Variants in CILK1 observed in about 807,000 individuals in gnomAD.
CILK1 encodes the protein serine/threonine-protein kinase ICK.
In CILK1, 47 loss-of-function variants were observed where a neutral mutation model predicts 79.2. That is an observed-to-expected ratio of 0.59 (90% CI 0.47 to 0.76). CILK1 has a LOEUF of 0.76. Among genes scored for constraint, CILK1 ranks in the 30% least tolerant of loss-of-function variants. The pLI, the probability that CILK1 is intolerant of heterozygous loss-of-function variation, is 0.00. For missense variants in CILK1, 660 were observed against 769.5 expected, an observed-to-expected ratio of 0.86 and a Z score of 1.68; for synonymous variants, 266 against 275.9, an observed-to-expected ratio of 0.96 and a Z score of 0.36.
rs1272574886 is a variant in CILK1, at chr6:53,061,773, G to A, written c.-350C>T. The A allele has an allele frequency of 6.6e-6, 1 of 152,334 alleles. No homozygotes were observed. Among genetic ancestry groups the A allele is most frequent in the Non-Finnish European group, 1.5e-5 (1 of 68,116 alleles). 9.4% of individuals were successfully genotyped at this position (152,334 alleles called of 1,614,324 possible). The stretch of plus-strand genomic sequence containing the variant: ...GAGTCGCACGGGCCGCACGGCGCAT[G>A]GTAGTGCAGCAGGAACCCGGCCGTT... On this transcript the variant is annotated 5_prime_UTR_variant, in exon 1 of 14. Coordinates refer to ENST00000676107, the MANE Select transcript of CILK1 (RefSeq NM_014920.5).
At position 53,009,540 on chromosome 6, in the gene CILK1, G is replaced by C; in HGVS notation, c.1520C>G (p.Ser507Trp). The stretch of plus-strand genomic sequence containing the variant: ...TGGAATAAATTCCTTGCCTGGATTC[G>C]AGAGTATGCCATTTCTTATACTGAT... The part of the protein sequence containing the change: ...PGISIRNGIL[S>W]NPGKEFIPPN... The change falls in exon 12 of 14, where the codon TCG (serine) becomes TGG (tryptophan). Residue 507 changes from serine to tryptophan, a missense_variant. By Grantham distance (177) the Ser-to-Trp change is radical. Transcript: ENST00000676107. The C allele has an allele frequency of 6.2e-7, 1 of 1,610,662 alleles. No homozygotes were observed. Among genetic ancestry groups the C allele is most frequent in the Non-Finnish European group, 8.5e-7 (1 of 1,176,784 alleles).
chr6:53,032,722 G>C (rs1321214613), intron 3 of CILK1, 68 bp from the exon 4 acceptor site: 1 of 1,273,032 alleles, frequency 7.9e-7, no homozygotes, highest in East Asian at 2.5e-5. Context: ...AAAAAGAAAA[G>C]TAATCCTATG....
chr6:53,044,258 A>AGCG (rs1397563253), intron 1 of CILK1, among the ~76,000 whole-genome samples: 2 of 152,168 alleles, frequency 1.3e-5, no homozygotes, highest in East Asian at 3.9e-4. Context: ...TCAGATCAGC[A>AGCG]GCGGCGGCAT....
Position 53,051,870 on chromosome 6 carries a change from T to C in CILK1, c.-173+9726A>G, listed in dbSNP as rs1221189303. The stretch of plus-strand genomic sequence containing the variant: ...TGTTTTAGAAATGAAATCAGAAATC[T>C]GTGCTTACTTACCCAGCGAACAAGG... On this transcript the variant is annotated intron_variant, in intron 1 of 13. Coordinates refer to ENST00000676107, the MANE Select transcript of CILK1 (RefSeq NM_014920.5). 4 of 152,242 alleles carry C rather than the reference T, an allele frequency of 2.6e-5. No individual in the cohort carries two copies. The East Asian group carries it at 7.7e-4, about 29-fold the overall frequency. The allele number at this position is 152,242 out of a possible 1,614,324, so 9.4% of individuals were successfully genotyped here.
At chr6:53,012,006 G>T (rs1001194060) in intron 10 of CILK1, 31 bp downstream of exon 10, 2 of 1,613,794 alleles carry the variant, frequency 1.2e-6, no homozygotes, top group Admixed American at 1.7e-5. Flanking sequence ...TCCAGATTCA[G>T]TCTGTTTACA....
At position 53,019,314 on chromosome 6, in the gene CILK1, C is replaced by G; in HGVS notation, c.404G>C (p.Gly135Ala). 1 of 1,613,896 alleles carries G rather than the reference C, an allele frequency of 6.2e-7. No individual in the cohort carries two copies. Among genetic ancestry groups the G allele is most frequent in the East Asian group, 2.2e-5 (1 of 44,866 alleles). Residue 135 changes from glycine (G) to alanine (A), a missense_variant, in exon 6 of 14, where the codon GGA (glycine) becomes GCA (alanine). Coordinates refer to ENST00000676107, the MANE Select transcript of CILK1 (RefSeq NM_014920.5). ...GTCTGCAATTTTCACAAGTTCTGGT[C>G]CCATGCAGAGGAGGTTCTCAGGCTT... ...DLKPENLLCMGPELVKIADFG... is the reference protein window; with the variant it reads ...DLKPENLLCMAPELVKIADFG...
At chr6:53,020,249 A>G (rs1174003856) in intron 5 of CILK1, among the ~76,000 whole-genome samples, 4 of 152,180 alleles carry the variant, frequency 2.6e-5, no homozygotes, top group African/African-American at 9.7e-5. Context: ...GATAGTCAAC[A>G]TGGCAATCTT....
At chr6:53,055,534 T>G (rs1767796363) in intron 1 of CILK1, among the ~76,000 whole-genome samples, 1 of 152,244 alleles carries the variant, frequency 6.6e-6, no homozygotes, top group Admixed American at 6.5e-5. Context: ...GAATTAAAGA[T>G]GCATTCAGCT....
chr6:53,035,275 G>A (rs572861185), intron 3 of CILK1, among the ~76,000 whole-genome samples: 2 of 151,870 alleles, frequency 1.3e-5, no homozygotes, highest in Non-Finnish European at 2.9e-5. Context: ...GGGTTAGAGA[G>A]AATGGTGGGC....
At chr6:53,044,900 G>C (rs1581751947) in intron 1 of CILK1, among the ~76,000 whole-genome samples, 1 of 152,092 alleles carries the variant, frequency 6.6e-6, no homozygotes, top group East Asian at 1.9e-4. Flanking sequence ...CCAGCCTCCA[G>C]AACTGTGAAA....
intron 1 of CILK1, chr6:53,057,838 A>G (rs1768030335): frequency 6.6e-6 from 1 of 152,196 alleles, no homozygotes; most frequent in South Asian, 2.1e-4. Context: ...AGTATAATAC[A>G]TGTTTTATAG....
intron 1 of CILK1, among the ~76,000 whole-genome samples, chr6:53,048,068 A>T (rs1767222140): frequency 2.6e-5 from 4 of 152,206 alleles, no homozygotes; most frequent in Admixed American, 2.6e-4. Flanking sequence ...AGGGTACTCC[A>T]TTCACATAGA....
At chr6:53,043,022 A>C (rs1056225725) in intron 1 of CILK1, among the ~76,000 whole-genome samples, 3 of 152,198 alleles carry the variant, frequency 2.0e-5, no homozygotes. Flanking sequence ...CAAGATTAAA[A>C]ATTTAAAAAT....
At chr6:53,043,819 T>TGCTTAGGGCACAGG (rs1766876527) in intron 1 of CILK1, among the ~76,000 whole-genome samples, 1 of 151,824 alleles carries the variant, frequency 6.6e-6, no homozygotes, top group African/African-American at 2.4e-5. Flanking sequence ...ATATTTCAAG[T>TGCTTAGGGCACAGG]ATGTGGAGGG....
intron 5 of CILK1, among the ~76,000 whole-genome samples, chr6:53,027,200 C>G (rs1298998859): frequency 6.6e-6 from 1 of 152,186 alleles, no homozygotes; most frequent in East Asian, 1.9e-4. Flanking sequence ...TCATGCACAG[C>G]AAGACAGTGA....
chr6:53,041,869 G>C (rs1462556607), intron 1 of CILK1, among the ~76,000 whole-genome samples: 1 of 152,052 alleles, frequency 6.6e-6, no homozygotes, highest in Non-Finnish European at 1.5e-5. Flanking sequence ...GACCACCCAC[G>C]ATCGTAAACT....
At chr6:53,059,413 T>C (rs1581788169) in intron 1 of CILK1, among the ~76,000 whole-genome samples, 2 of 152,080 alleles carry the variant, frequency 1.3e-5, no homozygotes, top group South Asian at 4.1e-4. Flanking sequence ...CTAAACCAAT[T>C]GGAGATCAAT....
chr6:53,037,095 G>A (rs1766390834), intron 3 of CILK1, among the ~76,000 whole-genome samples: 4 of 152,200 alleles, frequency 2.6e-5, no homozygotes, highest in South Asian at 4.2e-4. Flanking sequence ...AAAAAGAAAG[G>A]GTGTTTTTCA....
At chr6:53,055,906 A>C (rs925789656) in intron 1 of CILK1, among the ~76,000 whole-genome samples, 1 of 152,190 alleles carries the variant, frequency 6.6e-6, no homozygotes, top group Non-Finnish European at 1.5e-5. Context: ...ACAAACCTTT[A>C]CCCTGCCATG....
Sources: allele counts gnomAD v4.1 joint callset (sites outside exome capture counted in the v4.1 genomes callset), GRCh38; gene constraint gnomAD v4.1.1; transcripts MANE v1.5; gene names NCBI Gene and HGNC (gene_info 2026-07-23, HGNC 2026-07-21).